Variants in DOCK11 observed in about 807,000 individuals in gnomAD.
DOCK11 encodes dedicator of cytokinesis protein 11.
A neutral mutation model predicts 169.1 loss-of-function variants in DOCK11; 70 were observed. The ratio of observed to expected loss-of-function variants is 0.41; its 90% confidence interval spans 0.34 to 0.51. The LOEUF is 0.51. Among genes scored for constraint, DOCK11 ranks in the 20% least tolerant of loss-of-function variants. DOCK11 has a pLI of 0.10. For missense variants in DOCK11, 1,166 were observed against 1,538.8 expected, an observed-to-expected ratio of 0.76 and a Z score of 4.05; for synonymous variants, 529 against 541.3, an observed-to-expected ratio of 0.98 and a Z score of 0.32.
chrX:118,538,724 G>C lies in DOCK11; in HGVS notation c.103-4001G>C, dbSNP rs372208512. 35 of 732,242 alleles carry C rather than the reference G, an allele frequency of 4.8e-5. No individual in the cohort carries two copies. In the African/African-American group the frequency reaches 4.9e-4, roughly 10 times the overall value. 60.3% of individuals were successfully genotyped at this position (732,242 alleles called of 1,213,427 possible). A position where few individuals can be genotyped will look rare whatever the true frequency, so the allele number is the denominator to read the frequency against. ...TACCATTTATTGTAACGGGTTTTTG[G>C]AGTTATGAAAAAGCACCTTTGCAGG... On this transcript the variant is annotated intron_variant, in intron 1 of 52. Coordinates refer to ENST00000276202, the MANE Select transcript of DOCK11 (RefSeq NM_144658.4).
At chrX:118,661,206 C>T (rs1235588704) in intron 44 of DOCK11, among the ~76,000 whole-genome samples, 1 of 100,851 alleles carries the variant, frequency 9.9e-6, no homozygotes, top group Non-Finnish European at 2.0e-5. Context: ...AACACTCTGT[C>T]TCCAAAAAAA....
At chrX:118,604,140 C>A (rs1025215562) in intron 23 of DOCK11, among the ~76,000 whole-genome samples, 1 of 111,558 alleles carries the variant, frequency 9.0e-6, no homozygotes, top group African/African-American at 3.3e-5. Flanking sequence ...AAAACTGTTT[C>A]CAGACATTGC....
At chrX:118,511,966 T>G (rs891353933) in intron 1 of DOCK11, among the ~76,000 whole-genome samples, 22 of 112,432 alleles carry the variant, frequency 2.0e-4, no homozygotes, top group Non-Finnish European at 3.9e-4. Flanking sequence ...CAGGCTGGAG[T>G]GCAGTGGCAC....
chrX:118,612,234 AG>A (rs2014702019), intron 28 of DOCK11, among the ~76,000 whole-genome samples: 1 of 112,182 alleles, frequency 8.9e-6, no homozygotes, highest in Non-Finnish European at 1.9e-5. Context: ...ATTCACAACT[AG>A]GTTTCACACA....
At chrX:118,561,219 T>A (rs1481939781) in intron 6 of DOCK11, among the ~76,000 whole-genome samples, 164 bp from the exon 7 acceptor site, 1 of 112,123 alleles carries the variant, frequency 8.9e-6, no homozygotes, top group African/African-American at 3.2e-5. Flanking sequence ...TTCACTATCT[T>A]AGAAAAATGA....
rs145683125 is a variant in DOCK11, at chrX:118,543,541, G to A, written c.340G>A (p.Val114Met). 2.1e-4 allele frequency: 249 copies of A among 1,207,567 alleles called. No homozygotes were observed. The highest frequency in any genetic ancestry group is 6.6e-5 in the Non-Finnish European group (59 of 892,680). The part of the protein sequence containing the change: ...CIKTYSTDWH[V>M]VNYKYEDFSG... ...TAAAACCTATAGCACAGATTGGCACGTGGTAAACTACAAGTATGAGGACTT... is the reference window on the plus strand; with the variant it reads ...TAAAACCTATAGCACAGATTGGCACATGGTAAACTACAAGTATGAGGACTT... Residue 114 changes from valine (V) to methionine (M), a missense_variant, in exon 4 of 53, where the codon GTG becomes ATG. Transcript: ENST00000276202.
At chrX:118,615,811 G>A (rs2014797184) in intron 30 of DOCK11, 100 bp downstream of exon 30, 2 of 619,483 alleles carry the variant, frequency 3.2e-6, no homozygotes, top group Non-Finnish European at 5.1e-6. Flanking sequence ...TCAACTTGAA[G>A]GTAATTTCAG....
chrX:118,589,249 A>T (rs978501609), intron 18 of DOCK11, among the ~76,000 whole-genome samples: 4 of 111,060 alleles, frequency 3.6e-5, no homozygotes, highest in African/African-American at 9.8e-5. Context: ...GAGAAACTTA[A>T]ATTAAGGATT....
At chrX:118,521,710 G>T (rs995562357) in intron 1 of DOCK11, among the ~76,000 whole-genome samples, 12 of 111,748 alleles carry the variant, frequency 1.1e-4, no homozygotes, top group African/African-American at 3.3e-4. Flanking sequence ...TTCTAATAAG[G>T]TGTTTTTGGT....
chrX:118,647,843 A>AT (rs1413717668), intron 40 of DOCK11, among the ~76,000 whole-genome samples: 10 of 54,432 alleles, frequency 1.8e-4, no homozygotes, highest in African/African-American at 2.5e-4. Flanking sequence ...TATTTAATAT[A>AT]TATTATAATA....
At chrX:118,531,445 A>C (rs1305342992) in intron 1 of DOCK11, among the ~76,000 whole-genome samples, 4 of 92,058 alleles carry the variant, frequency 4.3e-5, no homozygotes, top group African/African-American at 8.0e-5. Flanking sequence ...AAAAAAAAAA[A>C]AAAAAACAGG....
chrX:118,616,145 C>A, intron 30 of DOCK11: 1 of 765,972 alleles, frequency 1.3e-6, no homozygotes, highest in Non-Finnish European at 1.7e-6. Flanking sequence ...TTGTATAGCA[C>A]TATTCTTATG....
At chrX:118,570,091 C>T (rs1401851105) in intron 10 of DOCK11, among the ~76,000 whole-genome samples, 2 of 112,214 alleles carry the variant, frequency 1.8e-5, no homozygotes, top group Admixed American at 1.9e-4. Flanking sequence ...TTATGGAAGG[C>T]AGTGTCGCCT....
At chrX:118,589,949 T>A (rs1451682769) in intron 18 of DOCK11, among the ~76,000 whole-genome samples, 2 of 112,388 alleles carry the variant, frequency 1.8e-5, no homozygotes, top group Non-Finnish European at 3.8e-5. Flanking sequence ...CCTGTTCAGC[T>A]CCTTACTGTC....
At chrX:118,594,255 T>C (rs763514871) in intron 20 of DOCK11, among the ~76,000 whole-genome samples, 1 of 112,173 alleles carries the variant, frequency 8.9e-6, no homozygotes, top group Non-Finnish European at 1.9e-5. Flanking sequence ...TCACAAGCAC[T>C]TTACGAACAT....
intron 36 of DOCK11, among the ~76,000 whole-genome samples, chrX:118,636,882 C>T (rs754650589): frequency 5.4e-5 from 6 of 111,105 alleles, no homozygotes; most frequent in Non-Finnish European, 7.5e-5. Context: ...TGTATGTATT[C>T]CAAGACTCTT....
At chrX:118,519,419 A>G (rs1396147286) in intron 1 of DOCK11, among the ~76,000 whole-genome samples, 3 of 111,949 alleles carry the variant, frequency 2.7e-5, no homozygotes, top group African/African-American at 9.7e-5. Flanking sequence ...GCGTGGTGGC[A>G]CACACCTGTA....
intron 42 of DOCK11, 32 bp downstream of exon 42, chrX:118,652,109 C>A: frequency 1.0e-6 from 1 of 971,520 alleles, no homozygotes; most frequent in South Asian, 2.1e-5. Context: ...TAAATTAGAA[C>A]CACCTTTGCT....
intron 23 of DOCK11, 82 bp from the exon 24 acceptor site, chrX:118,605,156 A>G (rs931175511): frequency 3.4e-6 from 2 of 590,461 alleles, no homozygotes; most frequent in South Asian, 2.9e-5. Flanking sequence ...ATTTCTCACT[A>G]CTTAATTTTT....
Sources: gnomAD v4.1 joint callset for allele counts (sites outside exome capture counted in the v4.1 genomes callset) on GRCh38, gnomAD v4.1.1 for gene constraint, MANE v1.5 for transcripts, NCBI Gene and HGNC (gene_info 2026-07-23, HGNC 2026-07-21) for gene names.